FAM131B: variants seen among roughly 807,000 people sequenced by gnomAD.
FAM131B encodes the protein protein FAM131B.
Under a neutral mutation model 42.0 loss-of-function variants are expected in FAM131B, and 19 were observed. The ratio of observed to expected loss-of-function variants is 0.45; its 90% CI spans 0.32 to 0.66. The LOEUF (loss-of-function observed/expected upper bound fraction) is 0.66. FAM131B is among the 30% of genes least tolerant of loss of function. The pLI is 0.05. For synonymous variants in FAM131B, 183 were observed against 177.6 expected, an observed-to-expected ratio of 1.03 and a Z score of -0.24; for missense variants, 370 against 468.4, an observed-to-expected ratio of 0.79 and a Z score of 1.94.
chr7:143,380,190 G>A, the FAM131B span: 10 of 981,436 alleles, frequency 1.0e-5, no homozygotes, highest in Non-Finnish European at 1.2e-5. The surrounding 1 kb of genome is among the most constrained non-coding windows in gnomAD (Gnocchi z 5.0). Flanking sequence ...TTAGTTTGGA[G>A]AAAGAACTGG....
upstream of FAM131B, among the ~76,000 whole-genome samples, chr7:143,365,072 A>G (rs1439126608): frequency 6.6e-6 from 1 of 152,212 alleles, no homozygotes; most frequent in Non-Finnish European, 1.5e-5. Context: ...TTTTATTGGG[A>G]TATATTAGAT....
Position 143,358,986 on chromosome 7 carries a change from T to A in FAM131B, c.307A>T (p.Thr103Ser). Reference sequence around the variant, plus strand: ...GCCACCCGGCCTTGCCCCATGGCTGTGGGCTTTGTCACATGGTCCTTCATG... The same window carrying A: ...GCCACCCGGCCTTGCCCCATGGCTGAGGGCTTTGTCACATGGTCCTTCATG... ...RSMKDHVTKPTAMGQGRVAHM... is the reference protein window; with the variant it reads ...RSMKDHVTKPSAMGQGRVAHM... Residue 103 changes from threonine (T) to serine (S), a missense_variant, in exon 5 of 7, where the codon ACA becomes TCA. Thr to Ser is a moderately conservative substitution (Grantham distance 58). Coordinates refer to ENST00000443739, the MANE Select transcript of FAM131B (RefSeq NM_001031690.3). The surrounding 1 kb of genome is among the most constrained non-coding windows in gnomAD (Gnocchi z 4.7). 1.2e-6 allele frequency: 2 copies of A among 1,614,054 alleles called. No homozygotes were observed. Among genetic ancestry groups the A allele is most frequent in the Non-Finnish European group, 8.5e-7 (1 of 1,180,024 alleles).
At chr7:143,369,692 T>G in the FAM131B span, among the ~76,000 whole-genome samples, 1 of 136,452 alleles carries the variant, frequency 7.3e-6, no homozygotes, top group South Asian at 2.4e-4. Context: ...AAAAAAAAGT[T>G]TTAAGCGAGT....
intron 6 of FAM131B, 118 bp downstream of exon 6, chr7:143,357,161 AC>A: frequency 8.3e-7 from 1 of 1,203,172 alleles, no homozygotes; most frequent in Non-Finnish European, 1.2e-6. Context: ...AGTAGGGAGG[AC>A]AATGGGAAAG....
chr7:143,356,660 A>T lies in FAM131B; in HGVS notation c.973T>A (p.Ser325Thr). The change falls in exon 7 of 7, where the codon TCC becomes ACC. Residue 325 changes from serine (S) to threonine (T), a missense_variant. Physicochemically the swap from Ser to Thr is moderately conservative, Grantham distance 58. Coordinates refer to ENST00000443739, the MANE Select transcript of FAM131B (RefSeq NM_001031690.3). The surrounding 1 kb of genome is among the most constrained non-coding windows in gnomAD (Gnocchi z 4.4). ...DAGCRDLESL[S>T]PREDPEMSTA... ...GACATCTCAGGGTCTTCTCGTGGGG[A>T]AAGTGACTCCAGGTCCCGGCATCCC... 6.2e-7 allele frequency: 1 copy of T among 1,613,960 alleles called. No individual in the cohort carries two copies. The highest frequency in any genetic ancestry group is 8.5e-7 in the Non-Finnish European group (1 of 1,179,978).
chr7:143,367,270 G>T (rs535579737), upstream of FAM131B, among the ~76,000 whole-genome samples: 1 of 152,304 alleles, frequency 6.6e-6, no homozygotes, highest in Non-Finnish European at 1.5e-5. Context: ...GGGACAAAAA[G>T]CCCTCACATT....
the FAM131B span, among the ~76,000 whole-genome samples, chr7:143,377,690 A>C: frequency 1.3e-5 from 2 of 151,990 alleles, no homozygotes; most frequent in African/African-American, 4.8e-5. Flanking sequence ...GAAGGGGCGA[A>C]TATATATATA....
the FAM131B span, chr7:143,380,716 C>T: frequency 2.0e-6 from 2 of 985,458 alleles, no homozygotes; most frequent in East Asian, 1.1e-4. The surrounding 1 kb of genome is among the most constrained non-coding windows in gnomAD (Gnocchi z 5.0). Context: ...GGCTCACACA[C>T]CCCCTCCGGG....
At chr7:143,381,729 A>C in the FAM131B span, 1 of 1,599,300 alleles carries the variant, frequency 6.3e-7, no homozygotes. Flanking sequence ...CCCGGGGCCC[A>C]GCGCGCACAG....
chr7:143,381,416 C>A, the FAM131B span: 19 of 1,239,576 alleles, frequency 1.5e-5, no homozygotes, highest in Admixed American at 8.8e-5. Flanking sequence ...TGCGGTGAGG[C>A]GCGGGGAGCG....
the FAM131B span, chr7:143,380,896 G>A: frequency 4.5e-5 from 28 of 627,296 alleles, 1 homozygote; most frequent in South Asian, 6.9e-5. The surrounding 1 kb of genome is among the most constrained non-coding windows in gnomAD (Gnocchi z 5.0). Context: ...CCCGAGAGGA[G>A]GTCGCTGGGC....
upstream of FAM131B, among the ~76,000 whole-genome samples, chr7:143,363,413 TG>T (rs150414873): frequency 3.7e-4 from 56 of 152,262 alleles, no homozygotes; most frequent in East Asian, 9.1e-3. Context: ...CTAACAACAA[TG>T]TCAGGACCCG....
In FAM131B at chr7:143,356,654, G is replaced by A. The variant is rs1387793213; in HGVS notation, c.979C>T (p.Arg327Ter). Residue 327 changes from arginine to a stop codon, truncating the protein, a stop_gained, in exon 7 of 7, where the codon CGA (arginine) becomes TGA (stop). Coordinates refer to ENST00000443739, the MANE Select transcript of FAM131B (RefSeq NM_001031690.3). LOFTEE classifies it high-confidence loss of function. The surrounding 1 kb of genome is among the most constrained non-coding windows in gnomAD (Gnocchi z 4.4). ...GCRDLESLSP[R>*]EDPEMSTALS... is the part of the protein sequence containing the mutation. ...GCGGTAGACATCTCAGGGTCTTCTC[G>A]TGGGGAAAGTGACTCCAGGTCCCGG... is the stretch of plus-strand genomic sequence containing the variant. 1.5e-5 allele frequency: 25 copies of A among 1,613,950 alleles called. No individual in the cohort carries two copies. The highest frequency in any genetic ancestry group is 1.9e-5 in the Non-Finnish European group (23 of 1,180,016).
chr7:143,356,606 C>T lies in FAM131B; in HGVS notation c.1027G>A (p.Val343Ile), dbSNP rs776491513. The T allele has an allele frequency of 1.4e-5, 22 of 1,613,886 alleles. No homozygotes were observed. Among genetic ancestry groups the T allele is most frequent in the Middle Eastern group, 1.6e-4 (1 of 6,082 alleles). ...STALSRKVSD[V>I]TSSGVQSFDE... ...AAGGACTGCACACCTGAGGATGTGA[C>T]GTCAGACACCTTCCGGCTGAGAGCG... The change falls in exon 7 of 7, where the codon GTC becomes ATC. Residue 343 changes from valine to isoleucine, a missense_variant. Val to Ile is a conservative substitution (Grantham distance 29). Transcript: ENST00000443739. The surrounding 1 kb of genome is among the most constrained non-coding windows in gnomAD (Gnocchi z 4.4).
the FAM131B span, among the ~76,000 whole-genome samples, chr7:143,372,455 G>T: frequency 1.3e-5 from 2 of 152,234 alleles, no homozygotes; most frequent in Admixed American, 1.3e-4. Flanking sequence ...AAAATAGAAG[G>T]AGCTGGTTGG....
the FAM131B span, chr7:143,380,073 G>C: frequency 1.0e-6 from 1 of 985,400 alleles, no homozygotes; most frequent in Non-Finnish European, 1.2e-6. The surrounding 1 kb of genome is among the most constrained non-coding windows in gnomAD (Gnocchi z 5.0). Flanking sequence ...TGGACACTCA[G>C]TGTGAACAAG....
the FAM131B span, chr7:143,380,109 G>A: frequency 7.1e-6 from 7 of 985,328 alleles, no homozygotes; most frequent in Non-Finnish European, 8.4e-6. The surrounding 1 kb of genome is among the most constrained non-coding windows in gnomAD (Gnocchi z 5.0). Context: ...GGCAGTAAAA[G>A]CTGACAAGAG....
At chr7:143,373,836 C>T in the FAM131B span, among the ~76,000 whole-genome samples, 21 of 152,094 alleles carry the variant, frequency 1.4e-4, 1 homozygote, top group Admixed American at 1.0e-3. Flanking sequence ...GGTCTCCAGG[C>T]GAGCAACTGT....
chr7:143,381,188 TC>T, the FAM131B span: 2 of 992,232 alleles, frequency 2.0e-6, no homozygotes, highest in Non-Finnish European at 2.4e-6. Flanking sequence ...TGGGGGAGTT[TC>T]CTGCCTGGTC....
Sources: allele counts gnomAD v4.1 joint callset (sites outside exome capture counted in the v4.1 genomes callset), GRCh38; gene constraint gnomAD v4.1.1; non-coding constraint Gnocchi (gnomAD v3.1); transcripts MANE v1.5; gene names NCBI Gene and HGNC (gene_info 2026-07-23, HGNC 2026-07-21).